Variants in CCDC124 observed in about 807,000 individuals in gnomAD.
The protein encoded by CCDC124 is coiled-coil domain-containing protein 124.
CCDC124 carries 9 observed loss-of-function variants against 19.8 expected under a neutral mutation model. The observed-to-expected ratio is 0.45, with a 90% CI of 0.27 to 0.79. The LOEUF (loss-of-function observed/expected upper bound fraction) is 0.79. Among genes scored for constraint, CCDC124 ranks in the 30% least tolerant of loss-of-function variants. The pLI is 0.14. For synonymous variants in CCDC124, 126 were observed against 131.3 expected, an observed-to-expected ratio of 0.96 and a Z score of 0.27; for missense variants, 285 against 319.0, an observed-to-expected ratio of 0.89 and a Z score of 0.81.
In CCDC124 at chr19:17,936,491, C is replaced by T. The variant is rs767394592; in HGVS notation, c.71C>T (p.Ala24Val). 8.1e-6 allele frequency: 13 copies of T among 1,612,872 alleles called. No homozygotes were observed. In the Admixed American group the frequency reaches 8.4e-5, roughly 10 times the overall value. The part of the protein sequence containing the change: ...AARARRAEAK[A>V]AADAKKQKEL... Reference sequence around the variant, plus strand: ...CGGGCACGTAGGGCAGAGGCCAAGGCGGCCGCTGATGCCAAGAAGCAGAAG... The same window carrying T: ...CGGGCACGTAGGGCAGAGGCCAAGGTGGCCGCTGATGCCAAGAAGCAGAAG... The change falls in exon 2 of 5, where the codon GCG becomes GTG. Residue 24 changes from alanine (A) to valine (V), a missense_variant. Transcript: ENST00000445755.
intron 2 of CCDC124, among the ~76,000 whole-genome samples, chr19:17,940,462 T>C (rs1423777577): frequency 6.6e-6 from 1 of 152,148 alleles, no homozygotes; most frequent in African/African-American, 2.4e-5. Context: ...TGTGGCTGCA[T>C]GCCCATAAAA....
intron 1 of CCDC124, among the ~76,000 whole-genome samples, chr19:17,934,896 CCTT>C (rs2031026120): frequency 3.1e-5 from 1 of 31,896 alleles, no homozygotes; most frequent in Non-Finnish European, 6.0e-5. Flanking sequence ...TGTATTGGTG[CCTT>C]GTTTCCTTGT....
In CCDC124 at chr19:17,943,241, T is replaced by TCGGGGGGGGGGCCCCCCC; in HGVS notation, c.350-19_350-18insGGGGGGGGGGCCCCCCCC. 1 of 736,678 alleles carries TCGGGGGGGGGGCCCCCCC rather than the reference T, an allele frequency of 1.4e-6. No individual in the cohort carries two copies. Among genetic ancestry groups the TCGGGGGGGGGGCCCCCCC allele is most frequent in the Non-Finnish European group, 2.4e-6 (1 of 414,970 alleles). The allele number at this position is 736,678 out of a possible 1,614,324, so 45.6% of individuals were successfully genotyped here. ...CTTTGCTTATCTCTCTCTGTCTCTG[T>TCGGGGGGGGGGCCCCCCC]CACCCACCCACCCGCCCAGCCGAGA... On this transcript the variant is annotated intron_variant, in intron 3 of 4. Coordinates refer to ENST00000445755, the MANE Select transcript of CCDC124 (RefSeq NM_001136203.2).
At chr19:17,939,665 C>T (rs1378705647) in intron 2 of CCDC124, among the ~76,000 whole-genome samples, 1 of 151,708 alleles carries the variant, frequency 6.6e-6, no homozygotes, top group East Asian at 1.9e-4. Flanking sequence ...CTCTGTCGCA[C>T]AGGCTGGAGT....
At chr19:17,935,784 T>G (rs1301790550) in intron 1 of CCDC124, among the ~76,000 whole-genome samples, 1 of 152,196 alleles carries the variant, frequency 6.6e-6, no homozygotes, top group Non-Finnish European at 1.5e-5. Flanking sequence ...GGTTTCACCA[T>G]GTTGACTAGA....
rs778094873 is a variant in CCDC124, at chr19:17,936,555, C to T, written c.135C>T (p.His45=). ...EDAYWKDDDK[H]VMRKEQRKEE... is the part of the protein sequence containing the mutation. ...CCTACTGGAAGGACGACGACAAACA[C>T]GTCATGAGGAAGGAGCAGCGCAAGG... The change falls in exon 2 of 5, where the codon CAC becomes CAT. Residue 45 remains histidine, a synonymous_variant. Transcript: ENST00000445755. 47 of 1,613,230 alleles carry T rather than the reference C, an allele frequency of 2.9e-5. No homozygotes were observed. The highest frequency in any genetic ancestry group is 1.6e-4 in the South Asian group (15 of 90,942).
At chr19:17,943,169 C>T (rs1474766603) in intron 3 of CCDC124, 92 bp from the exon 4 acceptor site, 3 of 1,086,914 alleles carry the variant, frequency 2.8e-6, no homozygotes, top group South Asian at 2.7e-5. Flanking sequence ...CCTCCCGCCC[C>T]TAGCTTCTCT....
chr19:17,936,257 C>T (rs1480137406), intron 1 of CCDC124, 153 bp from the exon 2 acceptor site: 3 of 624,626 alleles, frequency 4.8e-6, no homozygotes, highest in Middle Eastern at 4.5e-4. Flanking sequence ...TAAACTTTTA[C>T]AAGGAGAGCG....
At chr19:17,939,601 G>A (rs978671144) in intron 2 of CCDC124, among the ~76,000 whole-genome samples, 3 of 151,890 alleles carry the variant, frequency 2.0e-5, no homozygotes, top group African/African-American at 7.3e-5. Flanking sequence ...GCTGGAGCCA[G>A]ACTGGCACCT....
In CCDC124 at chr19:17,943,256, C is replaced by A; in HGVS notation, c.350-5C>A. The A allele has an allele frequency of 4.0e-6, 6 of 1,494,748 alleles. No individual in the cohort carries two copies. The highest frequency in any genetic ancestry group is 1.4e-5 in the African/African-American group (1 of 71,496). 92.6% of individuals were successfully genotyped at this position (1,494,748 alleles called of 1,614,324 possible). A position where few individuals can be genotyped will look rare whatever the true frequency, so the allele number is the denominator to read the frequency against. On this transcript the variant is annotated splice_region_variant and splice_polypyrimidine_tract_variant and intron_variant, in intron 3 of 4. Coordinates refer to ENST00000445755, the MANE Select transcript of CCDC124 (RefSeq NM_001136203.2). ...TCTGTCTCTGTCACCCACCCACCCG[C>A]CCAGCCGAGAAAGCCAAGAGCCATC... is the stretch of plus-strand genomic sequence containing the variant.
chr19:17,943,341 G>T lies in CCDC124; in HGVS notation c.430G>T (p.Ala144Ser). Residue 144 changes from alanine (A) to serine (S), a missense_variant, in exon 4 of 5, where the codon GCG (alanine) becomes TCG (serine). Physicochemically the swap from Ala to Ser is moderately conservative, Grantham distance 99. Coordinates refer to ENST00000445755, the MANE Select transcript of CCDC124 (RefSeq NM_001136203.2). ...RRVLEEGSVE[A>S]RTIEDAIAVL... is the part of the protein sequence containing the mutation. Reference sequence around the variant, plus strand: ...CGTGCTGGAGGAGGGCAGCGTGGAGGCGCGCACCATCGAGGACGCCATTGC... The same window carrying T: ...CGTGCTGGAGGAGGGCAGCGTGGAGTCGCGCACCATCGAGGACGCCATTGC... 1 of 1,594,090 alleles carries T rather than the reference G, an allele frequency of 6.3e-7. No individual in the cohort carries two copies. The highest frequency in any genetic ancestry group is 2.3e-5 in the East Asian group (1 of 44,160).
intron 2 of CCDC124, among the ~76,000 whole-genome samples, chr19:17,940,629 G>C (rs2031157184): frequency 6.6e-6 from 1 of 151,898 alleles, no homozygotes. Flanking sequence ...AGCCGGGCGT[G>C]GTGGCGGGTG....
At position 17,943,858 on chromosome 19, in the gene CCDC124, C is replaced by A. The variant is rs1158215112; in HGVS notation, c.*143C>A. 3 of 760,118 alleles carry A rather than the reference C, an allele frequency of 3.9e-6. No homozygotes were observed. Among genetic ancestry groups the A allele is most frequent in the African/African-American group, 3.5e-5 (2 of 56,802 alleles). The allele number at this position is 760,118 out of a possible 1,614,324, so 47.1% of individuals were successfully genotyped here. ...CCGGGGCCATGCTCTTATCACCAGC[C>A]ACCCGTCCTCCCGCCAGAGGGTCCC... On this transcript the variant is annotated 3_prime_UTR_variant, in exon 5 of 5. Coordinates refer to ENST00000445755, the MANE Select transcript of CCDC124 (RefSeq NM_001136203.2).
intron 2 of CCDC124, among the ~76,000 whole-genome samples, chr19:17,941,506 T>C (rs1423915073): frequency 4.1e-5 from 6 of 147,552 alleles, no homozygotes; most frequent in African/African-American, 1.5e-4. Flanking sequence ...AGAGAGACTG[T>C]CTCAGAAAAA....
chr19:17,938,626 C>T (rs969043593), intron 2 of CCDC124, among the ~76,000 whole-genome samples: 1 of 152,138 alleles, frequency 6.6e-6, no homozygotes, highest in African/African-American at 2.4e-5. Flanking sequence ...CGGTCTTGCT[C>T]TGTCACCCAG....
rs1396182912 is a variant in CCDC124, at chr19:17,943,644, A to G, written c.601A>G (p.Lys201Glu). The change falls in exon 5 of 5, where the codon AAG becomes GAG. Residue 201 changes from lysine (K) to glutamate (E), a missense_variant. By Grantham distance (56) the Lys-to-Glu change is moderately conservative. Transcript: ENST00000445755. ...MRLSQLKQLL[K>E]KEWLRSPDNP... ...GCTGTCGCAGCTGAAACAGCTGCTC[A>G]AGAAGGAGTGGCTCCGCTCTCCTGA... is the stretch of plus-strand genomic sequence containing the variant. 6.2e-7 allele frequency: 1 copy of G among 1,612,904 alleles called. No homozygotes were observed. The highest frequency in any genetic ancestry group is 8.5e-7 in the Non-Finnish European group (1 of 1,179,932).
At chr19:17,937,727 T>C (rs2147779285) in intron 2 of CCDC124, among the ~76,000 whole-genome samples, 1 of 151,938 alleles carries the variant, frequency 6.6e-6, no homozygotes, top group Non-Finnish European at 1.5e-5. Context: ...TTCTAGGTGT[T>C]TATTTTATTT....
In CCDC124 at chr19:17,943,243, A is replaced by ATCCCCCCC; in HGVS notation, c.350-18_350-17insTCCCCCCC. On this transcript the variant is annotated splice_polypyrimidine_tract_variant and intron_variant, in intron 3 of 4. Coordinates refer to ENST00000445755, the MANE Select transcript of CCDC124 (RefSeq NM_001136203.2). ...TTGCTTATCTCTCTCTGTCTCTGTC[A>ATCCCCCCC]CCCACCCACCCGCCCAGCCGAGAAA... 2.3e-6 allele frequency: 1 copy of ATCCCCCCC among 430,530 alleles called. No homozygotes were observed. Among genetic ancestry groups the ATCCCCCCC allele is most frequent in the Non-Finnish European group, 4.5e-6 (1 of 219,970 alleles). 26.7% of individuals were successfully genotyped at this position (430,530 alleles called of 1,614,324 possible).
intron 3 of CCDC124, 35 bp from the exon 4 acceptor site, chr19:17,943,226 C>T (rs756598683): frequency 4.9e-6 from 5 of 1,013,106 alleles, no homozygotes; most frequent in Non-Finnish European, 6.0e-6. Context: ...CTTTGCTTAT[C>T]TCTCTCTGTC....
Sources: allele counts gnomAD v4.1 joint callset (sites outside exome capture counted in the v4.1 genomes callset), GRCh38; gene constraint gnomAD v4.1.1; transcripts MANE v1.5; gene names NCBI Gene and HGNC (gene_info 2026-07-23, HGNC 2026-07-21).